The following ZNF106 variants were observed in gnomAD, a reference collection of about 807,000 sequenced individuals.
ZNF106 encodes SH3-domain binding protein 3.
Under a neutral mutation model 195.1 loss-of-function variants are expected in ZNF106, and 67 were observed. The observed-to-expected ratio is 0.34, with a 90% CI of 0.28 to 0.42. The LOEUF (loss-of-function observed/expected upper bound fraction) is 0.42. ZNF106 is among the 10% of genes least tolerant of loss of function. The pLI is 1.00. For synonymous variants in ZNF106, 784 were observed against 818.6 expected, an observed-to-expected ratio of 0.96 and a Z score of 0.72; for missense variants, 2,118 against 2,304.5, an observed-to-expected ratio of 0.92 and a Z score of 1.66.
chr15:42,457,608 C>T (rs2056273085), intron 3 of ZNF106: 1 of 921,320 alleles, frequency 1.1e-6, no homozygotes, highest in Non-Finnish European at 1.3e-6. Flanking sequence ...GGGGTGGAAA[C>T]AAGAGTAGGT....
intron 17 of ZNF106, among the ~76,000 whole-genome samples, chr15:42,423,554 T>A (rs187583773): frequency 0.02 from 3,097 of 151,728 alleles, 103 homozygotes; most frequent in African/African-American, 0.067. Context: ...TAAAAAAAAA[T>A]TTTTTTTAAG....
chr15:42,453,184 T>C (rs1002835742), intron 4 of ZNF106, among the ~76,000 whole-genome samples: 1 of 152,152 alleles, frequency 6.6e-6, no homozygotes, highest in Non-Finnish European at 1.5e-5. Flanking sequence ...TAAGAAGACT[T>C]TTATGTACAG....
chr15:42,448,196 G>A lies in ZNF106; in HGVS notation c.3011C>T (p.Ser1004Leu). ...CGCAAGGGCTGAGGATGCGCTTGAT[G>A]ACAGACAGTTTCCCTCTCCATTACT... ...QESNGEGNCL[S>L]SSASSALAIS... Residue 1004 changes from serine to leucine, a missense_variant, in exon 6 of 22, where the codon TCA (serine) becomes TTA (leucine). Ser to Leu is a moderately radical substitution (Grantham distance 145). Coordinates refer to ENST00000564754, the MANE Select transcript of ZNF106 (RefSeq NM_001366845.3). 1 of 1,614,160 alleles carries A rather than the reference G, an allele frequency of 6.2e-7. No homozygotes were observed. Among genetic ancestry groups the A allele is most frequent in the South Asian group, 1.1e-5 (1 of 91,084 alleles).
chr15:42,478,176 T>C (rs2056824625), intron 1 of ZNF106, among the ~76,000 whole-genome samples: 1 of 152,118 alleles, frequency 6.6e-6, no homozygotes, highest in African/African-American at 2.4e-5. Flanking sequence ...ATTTATTTTA[T>C]TTTTTGAGAC....
intron 18 of ZNF106, 56 bp downstream of exon 18, chr15:42,422,445 C>T (rs2054698446): frequency 3.2e-6 from 5 of 1,583,810 alleles, no homozygotes; most frequent in Non-Finnish European, 4.3e-6. Flanking sequence ...CAACACTAAA[C>T]CCAAATAGAC....
Position 42,450,003 on chromosome 15 carries a change from G to A in ZNF106, c.2269C>T (p.Arg757Trp), listed in dbSNP as rs766101787. Residue 757 changes from arginine (R) to tryptophan (W), a missense_variant, in exon 5 of 22, where the codon CGG (arginine) becomes TGG (tryptophan). Transcript: ENST00000564754. ...FPASLQRDLT[R>W]HISLKSKTGV... is the part of the protein sequence containing the mutation. Reference sequence around the variant, plus strand: ...GTTTTGCTCTTCAAACTAATGTGCCGGGTTAGATCCCTCTGAAGTGAGGCA... The same window carrying A: ...GTTTTGCTCTTCAAACTAATGTGCCAGGTTAGATCCCTCTGAAGTGAGGCA... 1.1e-5 allele frequency: 18 copies of A among 1,614,058 alleles called. No individual in the cohort carries two copies. The highest frequency in any genetic ancestry group is 8.8e-5 in the South Asian group (8 of 91,088).
At chr15:42,466,007 GAT>G in intron 3 of ZNF106, 44 bp downstream of exon 3, 1 of 1,467,254 alleles carries the variant, frequency 6.8e-7, no homozygotes, top group Non-Finnish European at 9.1e-7. Context: ...TCATCACTCA[GAT>G]CCACCCACAT....
At position 42,415,350 on chromosome 15, in the gene ZNF106, G is replaced by A; in HGVS notation, c.*1954C>T. On this transcript the variant is annotated 3_prime_UTR_variant, in exon 22 of 22. Transcript: ENST00000564754. ...TTGGCCAGGCTGGTCTCAAATGCCT[G>A]ACCTTGAGTGATCCACCCGCCTCGG... 5 of 437,196 alleles carry A rather than the reference G, an allele frequency of 1.1e-5. No homozygotes were observed. The highest frequency in any genetic ancestry group is 8.2e-5 in the South Asian group (5 of 61,128). 27.1% of individuals were successfully genotyped at this position (437,196 alleles called of 1,614,324 possible). A position where few individuals can be genotyped will look rare whatever the true frequency, so the allele number is the denominator to read the frequency against.
intron 4 of ZNF106, among the ~76,000 whole-genome samples, chr15:42,454,183 C>T (rs1250564673): frequency 1.3e-5 from 2 of 152,174 alleles, no homozygotes; most frequent in Non-Finnish European, 2.9e-5. Flanking sequence ...GGAACTTCTT[C>T]CTTTTTCACA....
At chr15:42,489,456 C>T (rs536060311) in intron 1 of ZNF106, among the ~76,000 whole-genome samples, 12 of 151,900 alleles carry the variant, frequency 7.9e-5, no homozygotes, top group Non-Finnish European at 1.3e-4. Context: ...GGATTACAGG[C>T]GTGAGCCATC....
Position 42,415,392 on chromosome 15 carries a change from G to A in ZNF106, c.*1912C>T. 1 of 454,188 alleles carries A rather than the reference G, an allele frequency of 2.2e-6. No individual in the cohort carries two copies. Among genetic ancestry groups the A allele is most frequent in the African/African-American group, 2.0e-5 (1 of 49,958 alleles). The allele number at this position is 454,188 out of a possible 1,614,324, so 28.1% of individuals were successfully genotyped here. A position where few individuals can be genotyped will look rare whatever the true frequency, so the allele number is the denominator to read the frequency against. ...CCGCCTCGGCCTCCCAAAGAGCTGG[G>A]ATTACAGGTGTGAGCCACCAGGCCC... On this transcript the variant is annotated 3_prime_UTR_variant, in exon 22 of 22. Coordinates refer to ENST00000564754, the MANE Select transcript of ZNF106 (RefSeq NM_001366845.3).
At chr15:42,489,757 C>T (rs2057100804) in intron 1 of ZNF106, among the ~76,000 whole-genome samples, 1 of 152,110 alleles carries the variant, frequency 6.6e-6, no homozygotes, top group East Asian at 1.9e-4. Context: ...ATCTGTGGGC[C>T]GGGCGTGGTG....
chr15:42,432,515 G>C (rs185194982), intron 14 of ZNF106, among the ~76,000 whole-genome samples: 118 of 152,068 alleles, frequency 7.8e-4, no homozygotes, highest in African/African-American at 2.7e-3. Flanking sequence ...GTTACTATTT[G>C]CATAGTATAT....
At chr15:42,482,294 T>C (rs922126322) in intron 1 of ZNF106, among the ~76,000 whole-genome samples, 6 of 152,190 alleles carry the variant, frequency 3.9e-5, no homozygotes, top group Non-Finnish European at 7.4e-5. Context: ...GGTCACTCTC[T>C]AGAGTGTCAT....
intron 3 of ZNF106, among the ~76,000 whole-genome samples, chr15:42,461,488 C>G (rs1190913167): frequency 6.6e-6 from 1 of 152,212 alleles, no homozygotes; most frequent in African/African-American, 2.4e-5. Context: ...ATTAAGCTTG[C>G]TCTAACTACC....
rs1329402213 is a variant in ZNF106, at chr15:42,439,690, G to T, written c.3887C>A (p.Thr1296Asn). The change falls in exon 11 of 22, where the codon ACC becomes AAC. Residue 1296 changes from threonine to asparagine, a missense_variant. Physicochemically the swap from Thr to Asn is moderately conservative, Grantham distance 65. Coordinates refer to ENST00000564754, the MANE Select transcript of ZNF106 (RefSeq NM_001366845.3). Reference protein sequence around the residue: ...ELKFSVEQRNTRNRENSPSSQ... With the variant: ...ELKFSVEQRNNRNRENSPSSQ... ...AGAGGGAGAGTTTTCTCTGTTTCTG[G>T]TATTTCTTTGCTCCACAGAAAACTT... 1 of 1,613,988 alleles carries T rather than the reference G, an allele frequency of 6.2e-7. No homozygotes were observed. Among genetic ancestry groups the T allele is most frequent in the Non-Finnish European group, 8.5e-7 (1 of 1,179,988 alleles).
Position 42,449,932 on chromosome 15 carries a change from A to G in ZNF106, c.2340T>C (p.Ile780=), listed in dbSNP as rs575528000. 1.2e-6 allele frequency: 2 copies of G among 1,614,118 alleles called. No homozygotes were observed. The highest frequency in any genetic ancestry group is 4.5e-5 in the East Asian group (2 of 44,876). ...TCTTTCGGTGACCGCTAATATTGCG[A>G]ATGCGGCGGGCACTATTGAGGTTTG... ...PEPNLNSARR[I]RNISGHRKSE... The change falls in exon 5 of 22, where the codon ATT becomes ATC. Residue 780 remains isoleucine, a synonymous_variant. Coordinates refer to ENST00000564754, the MANE Select transcript of ZNF106 (RefSeq NM_001366845.3).
At position 42,417,919 on chromosome 15, in the gene ZNF106, T is replaced by C. The variant is rs2054515165; in HGVS notation, c.5550A>G (p.Val1850=). The C allele has an allele frequency of 6.2e-7, 1 of 1,613,866 alleles. No individual in the cohort carries two copies. Among genetic ancestry groups the C allele is most frequent in the South Asian group, 1.1e-5 (1 of 91,034 alleles). ...WHGCSLIFGV[V]DHLKQHLLTD... The stretch of plus-strand genomic sequence containing the variant: ...TCAGCAAGTGTTGTTTTAAATGATC[T>C]ACAACGCCAAATATCAGAGAGCAAC... Residue 1850 remains valine (V), a synonymous_variant, in exon 21 of 22, where the codon GTA becomes GTG. Coordinates refer to ENST00000564754, the MANE Select transcript of ZNF106 (RefSeq NM_001366845.3).
intron 14 of ZNF106, among the ~76,000 whole-genome samples, chr15:42,430,840 T>G (rs369406630): frequency 1.3e-5 from 2 of 151,862 alleles, no homozygotes; most frequent in African/African-American, 2.4e-5. Context: ...TTTTACAGGT[T>G]TGTACAAGTC....
Sources: allele counts gnomAD v4.1 joint callset (sites outside exome capture counted in the v4.1 genomes callset), GRCh38; gene constraint gnomAD v4.1.1; transcripts MANE v1.5; gene names NCBI Gene and HGNC (gene_info 2026-07-23, HGNC 2026-07-21).